Variants in PKHD1 observed in about 807,000 individuals in gnomAD.
PKHD1 encodes PKHD1 ciliary IPT domain containing fibrocystin/polyductin.
PKHD1 carries 291 observed loss-of-function variants against 412.0 expected under a neutral mutation model. That is an observed-to-expected ratio of 0.71 (90% CI 0.64 to 0.78). The LOEUF (loss-of-function observed/expected upper bound fraction) is 0.78. PKHD1 is among the 30% of genes least tolerant of loss of function. The pLI is 0.00. For missense variants in PKHD1, 4,825 were observed against 4,950.7 expected (o/e 0.97, Z 0.76); for synonymous variants, 1,777 against 1,821.5 (o/e 0.98, Z 0.62).
At chr6:51,738,438 G>A (rs1456220234) in intron 60 of PKHD1, among the ~76,000 whole-genome samples, 2 of 152,162 alleles carry the variant, frequency 1.3e-5, no homozygotes, top group African/African-American at 4.8e-5. Context: ...AATTCACAAC[G>A]TGAGGACCCT....
At chr6:52,019,355 T>A (rs181688049) in intron 33 of PKHD1, among the ~76,000 whole-genome samples, 1 of 152,236 alleles carries the variant, frequency 6.6e-6, no homozygotes, top group African/African-American at 2.4e-5. Context: ...ATAGTACTAT[T>A]GTTGCTGTTA....
intron 37 of PKHD1, among the ~76,000 whole-genome samples, chr6:51,924,807 T>C (rs776443404): frequency 6.6e-6 from 1 of 152,190 alleles, no homozygotes; most frequent in Non-Finnish European, 1.5e-5. Flanking sequence ...CACCATCCCA[T>C]CTTTAGACTA....
chr6:51,621,782 C>T (rs1416437945), intron 66 of PKHD1: 1 of 152,142 alleles, frequency 6.6e-6, no homozygotes, highest in Non-Finnish European at 1.5e-5. Context: ...GTGTCAGCGC[C>T]GACATCAGAA....
intron 52 of PKHD1, among the ~76,000 whole-genome samples, chr6:51,810,190 G>T (rs1764483287): frequency 6.6e-6 from 1 of 151,846 alleles, no homozygotes; most frequent in African/African-American, 2.4e-5. Context: ...AATTGATTTG[G>T]GGTCTTGGAA....
chr6:51,748,687 C>A (rs369629901), intron 57 of PKHD1, 22 bp from the exon 58 acceptor site: 52 of 1,611,100 alleles, frequency 3.2e-5, no homozygotes, highest in Non-Finnish European at 4.3e-5. Flanking sequence ...TGCATGTCAT[C>A]AGGTACTTTC....
intron 43 of PKHD1, among the ~76,000 whole-genome samples, chr6:51,896,562 G>GA (rs1256664037): frequency 1.3e-5 from 2 of 151,290 alleles, no homozygotes; most frequent in Non-Finnish European, 3.0e-5. Flanking sequence ...CAAAGATGGG[G>GA]AAAAAACAGA....
chr6:52,048,568 C>T lies in PKHD1; in HGVS notation c.2331G>A (p.Thr777=), dbSNP rs867192649. The change falls in exon 23 of 67, where the codon ACG becomes ACA. Residue 777 remains threonine, a synonymous_variant. Transcript: ENST00000371117. Reference sequence around the variant, plus strand: ...GACTTGTCCGCTGTCGTCTCTGTGTCGTCACCAGGACCAGTCCAGATCCCT... The same window carrying T: ...GACTTGTCCGCTGTCGTCTCTGTGTTGTCACCAGGACCAGTCCAGATCCCT... ...TEEGSGLVLV[T]TQRRQRTSPP... is the part of the protein sequence containing the mutation. 1.9e-6 allele frequency: 3 copies of T among 1,613,926 alleles called. No individual in the cohort carries two copies. The highest frequency in any genetic ancestry group is 1.7e-6 in the Non-Finnish European group (2 of 1,179,920).
chr6:51,928,624 T>C (rs1786072940), intron 37 of PKHD1, among the ~76,000 whole-genome samples: 1 of 126,446 alleles, frequency 7.9e-6, no homozygotes, highest in Non-Finnish European at 1.7e-5. Flanking sequence ...TAAGTAACTC[T>C]AGCGGACTTT....
At chr6:51,868,339 C>T (rs1235053026) in intron 47 of PKHD1, among the ~76,000 whole-genome samples, 1 of 152,090 alleles carries the variant, frequency 6.6e-6, no homozygotes, top group Non-Finnish European at 1.5e-5. Context: ...TTGGCCCTAC[C>T]TTCATGCAGT....
At chr6:51,631,073 T>C (rs895953199) in intron 65 of PKHD1, among the ~76,000 whole-genome samples, 2 of 152,054 alleles carry the variant, frequency 1.3e-5, no homozygotes, top group African/African-American at 4.8e-5. Flanking sequence ...AAAAGCCTTC[T>C]CTAGAGCTTA....
chr6:52,015,722 G>A (rs1800439850), intron 34 of PKHD1, among the ~76,000 whole-genome samples: 1 of 152,054 alleles, frequency 6.6e-6, no homozygotes, highest in Admixed American at 6.6e-5. Flanking sequence ...TACTCAGGAA[G>A]CTGAGGCAGG....
At chr6:51,848,137 A>C (rs895131670) in intron 49 of PKHD1, among the ~76,000 whole-genome samples, 167 bp from the exon 50 acceptor site, 15 of 152,346 alleles carry the variant, frequency 9.8e-5, no homozygotes, top group African/African-American at 3.6e-4. Flanking sequence ...GGAAATGGGA[A>C]TACTTAAATC....
chr6:52,083,461 G>A (rs1399679795), intron 2 of PKHD1, among the ~76,000 whole-genome samples: 1 of 152,232 alleles, frequency 6.6e-6, no homozygotes, highest in Non-Finnish European at 1.5e-5. Context: ...GGTGCTGCTG[G>A]TGTGGGAAAC....
Position 52,079,943 on chromosome 6 carries a change from AC to A in PKHD1, c.346del (p.Val116Ter), listed in dbSNP as rs1196337908. On this transcript the variant is annotated frameshift_variant, in exon 5 of 67. Coordinates refer to ENST00000371117, the MANE Select transcript of PKHD1 (RefSeq NM_138694.4). LOFTEE classifies it high-confidence loss of function. ...TCGTGGTCCTGGATTTGGACTGCTT[AC>A]CAGCTGTCCCCCGAAGTATGCTTCC... ...FLEAYFGGQL[V>X]SSPNPGPRDS... 1 of 1,611,214 alleles carries A rather than the reference AC, an allele frequency of 6.2e-7. No homozygotes were observed. Among genetic ancestry groups the A allele is most frequent in the Non-Finnish European group, 8.5e-7 (1 of 1,177,480 alleles).
At chr6:51,851,942 G>A (rs1419427470) in intron 49 of PKHD1, among the ~76,000 whole-genome samples, 5 of 151,908 alleles carry the variant, frequency 3.3e-5, no homozygotes, top group Non-Finnish European at 5.9e-5. Context: ...CTTGTCTTCT[G>A]CTGGCTTTTG....
At chr6:51,764,092 C>G (rs1788522822) in intron 55 of PKHD1, among the ~76,000 whole-genome samples, 1 of 128,766 alleles carries the variant, frequency 7.8e-6, no homozygotes, top group Non-Finnish European at 1.6e-5. Context: ...CAATGCTATC[C>G]CTCCCCCCTC....
intron 35 of PKHD1, among the ~76,000 whole-genome samples, chr6:51,988,845 A>C (rs1405515847): frequency 6.6e-6 from 1 of 152,180 alleles, no homozygotes; most frequent in Non-Finnish European, 1.5e-5. Flanking sequence ...CAAGACTCAC[A>C]GCTTTTCCAT....
intron 60 of PKHD1, among the ~76,000 whole-genome samples, chr6:51,718,493 A>G (rs1781524131): frequency 6.6e-6 from 1 of 152,240 alleles, no homozygotes; most frequent in Non-Finnish European, 1.5e-5. Context: ...CGTAGGAGGT[A>G]TAATTTCTAA....
chr6:51,858,292 G>C (rs1773618299), intron 48 of PKHD1, among the ~76,000 whole-genome samples: 1 of 152,104 alleles, frequency 6.6e-6, no homozygotes, highest in Admixed American at 6.5e-5. Flanking sequence ...CTAGCCATTT[G>C]CGCTCAGTCA....
Sources: allele counts gnomAD v4.1 joint callset (sites outside exome capture counted in the v4.1 genomes callset), GRCh38; gene constraint gnomAD v4.1.1; transcripts MANE v1.5; gene names NCBI Gene and HGNC (gene_info 2026-07-23, HGNC 2026-07-21).